The following GALNT13 variants were observed in gnomAD, a reference collection of about 807,000 sequenced individuals.
GALNT13 encodes the protein polypeptide N-acetylgalactosaminyltransferase 13, also known as UDP-GalNAc:polypeptide N-acetylgalactosaminyltransferase 13.
Under a neutral mutation model 64.2 loss-of-function variants are expected in GALNT13, and 28 were observed. The ratio of observed to expected loss-of-function variants is 0.44; its 90% CI spans 0.32 to 0.60. GALNT13 has a LOEUF of 0.60. Ranked by LOEUF, GALNT13 falls within the 20% of genes least tolerant of loss-of-function variation. The pLI is 0.05. For missense variants in GALNT13, 577 were observed against 669.8 expected, an observed-to-expected ratio of 0.86 and a Z score of 1.53; for synonymous variants, 214 against 224.6, an observed-to-expected ratio of 0.95 and a Z score of 0.42.
At chr2:153,625,312 A>G in the GALNT13 span, among the ~76,000 whole-genome samples, 4 of 152,106 alleles carry the variant, frequency 2.6e-5, no homozygotes, top group Non-Finnish European at 5.9e-5. Context: ...ATGTTCAAAT[A>G]CAAACAGCGG....
At chr2:154,028,446 T>C (rs1020713886) in intron 3 of GALNT13, among the ~76,000 whole-genome samples, 1 of 152,086 alleles carries the variant, frequency 6.6e-6, no homozygotes, top group African/African-American at 2.4e-5. Context: ...GTATTCCACT[T>C]GGGGGATTAT....
chr2:154,001,385 A>C (rs1341532981), intron 3 of GALNT13, among the ~76,000 whole-genome samples: 1 of 151,780 alleles, frequency 6.6e-6, no homozygotes, highest in Non-Finnish European at 1.5e-5. Context: ...TTAAATGATT[A>C]TCTTTATTAG....
At chr2:154,427,752 T>C (rs1341765269) in intron 11 of GALNT13, among the ~76,000 whole-genome samples, 2 of 152,144 alleles carry the variant, frequency 1.3e-5, no homozygotes, top group African/African-American at 4.8e-5. Flanking sequence ...AGATGCTACT[T>C]ACTCCTCCTG....
intron 1 of GALNT13, among the ~76,000 whole-genome samples, chr2:153,885,195 G>T (rs1202987441): frequency 2.0e-5 from 3 of 151,900 alleles, no homozygotes; most frequent in Non-Finnish European, 4.4e-5. Context: ...AATTTTTCTA[G>T]GTATAAAGCC....
the GALNT13 span, among the ~76,000 whole-genome samples, chr2:153,359,630 C>CAAAAAAAAAAAAAAAAAAAAAAAAAAAAA: frequency 1.3e-4 from 5 of 38,220 alleles, 1 homozygote; most frequent in Non-Finnish European, 1.7e-4. Flanking sequence ...CAGCTTTCAG[C>CAAAAAAAAAAAAAAAAAAAAAAAAAAAAA]AAAAAAAAAA....
intron 3 of GALNT13, among the ~76,000 whole-genome samples, chr2:154,106,477 T>A (rs924114679): frequency 1.3e-5 from 2 of 152,062 alleles, no homozygotes; most frequent in African/African-American, 4.8e-5. Context: ...TTGTAAAAAA[T>A]CTGTTGAATA....
chr2:153,262,042 G>T, the GALNT13 span, among the ~76,000 whole-genome samples: 1 of 152,120 alleles, frequency 6.6e-6, no homozygotes, highest in Non-Finnish European at 1.5e-5. Flanking sequence ...GAGCTTGCTT[G>T]GTCCTCTACT....
At position 153,952,722 on chromosome 2, in the gene GALNT13, C is replaced by A. The variant is rs139863825; in HGVS notation, c.142+8083C>A. Among the ~76,000 whole-genome samples, 5 of 151,962 alleles carry A rather than the reference C, an allele frequency of 3.3e-5. No homozygotes were observed. In the East Asian group the frequency reaches 9.7e-4, roughly 29 times the overall value. ...GACACAATCACAAGATGAAGTCCCA[C>A]AATAGGCTATCTGCAAGCTGAGGAG... On this transcript the variant is annotated intron_variant, in intron 3 of 12. Transcript: ENST00000392825.
the GALNT13 span, among the ~76,000 whole-genome samples, chr2:153,680,553 C>CAT: frequency 6.6e-6 from 1 of 151,782 alleles, no homozygotes; most frequent in South Asian, 2.1e-4. Flanking sequence ...CTTGCACAAA[C>CAT]ATATATATAT....
At chr2:153,656,693 T>A in the GALNT13 span, among the ~76,000 whole-genome samples, 2 of 152,038 alleles carry the variant, frequency 1.3e-5, no homozygotes, top group Non-Finnish European at 2.9e-5. Flanking sequence ...AGGCTACCCT[T>A]TAGGGAAAAG....
rs145132503 is a variant in GALNT13 at position 154,315,587 on chromosome 2, A to G, written c.1156+13998A>G. Among the ~76,000 whole-genome samples the G allele has an allele frequency of 7.3e-3, 1,109 of 152,342 alleles. 36 individuals are homozygous for G. Among genetic ancestry groups the G allele is most frequent in the Admixed American group, 0.043 (661 of 15,304 alleles). On this transcript the variant is annotated intron_variant, in intron 9 of 12. Coordinates refer to ENST00000392825, the MANE Select transcript of GALNT13 (RefSeq NM_052917.4). ...AAAGGTCTACTTAAGACACATACAC[A>G]CACGTATACATGATTCGTTAACACA... is the stretch of plus-strand genomic sequence containing the variant.
chr2:153,528,335 G>T, the GALNT13 span, among the ~76,000 whole-genome samples: 1 of 151,900 alleles, frequency 6.6e-6, no homozygotes, highest in Non-Finnish European at 1.5e-5. Flanking sequence ...ATACAAAGAA[G>T]GTCACTATAT....
chr2:154,001,044 G>A (rs537226244), intron 3 of GALNT13, among the ~76,000 whole-genome samples: 2 of 151,746 alleles, frequency 1.3e-5, no homozygotes, highest in Non-Finnish European at 2.9e-5. Context: ...TTATATAATG[G>A]CTTAAGTTTG....
chr2:154,339,856 A>C (rs1695661545), intron 9 of GALNT13, among the ~76,000 whole-genome samples: 1 of 152,044 alleles, frequency 6.6e-6, no homozygotes, highest in East Asian at 1.9e-4. Flanking sequence ...TTTTGCAGTG[A>C]GTGGCTGGAA....
At chr2:154,316,896 G>T (rs958761886) in intron 9 of GALNT13, among the ~76,000 whole-genome samples, 1 of 152,182 alleles carries the variant, frequency 6.6e-6, no homozygotes, top group African/African-American at 2.4e-5. Flanking sequence ...AAACAACAGT[G>T]AAAGGAATGG....
At chr2:153,500,836 T>C in the GALNT13 span, among the ~76,000 whole-genome samples, 6 of 152,318 alleles carry the variant, frequency 3.9e-5, no homozygotes, top group South Asian at 1.2e-3. Context: ...TGGTTTATAA[T>C]AACATAATAA....
the GALNT13 span, among the ~76,000 whole-genome samples, chr2:153,295,525 C>T: frequency 1.8e-5 from 1 of 54,054 alleles, no homozygotes; most frequent in Non-Finnish European, 4.1e-5. Context: ...ATCTGGAGTA[C>T]CTAAAAAAAA....
chr2:153,468,150 G>A, the GALNT13 span, among the ~76,000 whole-genome samples: 3 of 151,552 alleles, frequency 2.0e-5, no homozygotes, highest in African/African-American at 7.3e-5. Flanking sequence ...CAGCGTCTAC[G>A]CACTCTTTCT....
chr2:154,167,448 G>A lies in GALNT13; in HGVS notation c.311+26943G>A, dbSNP rs186682091. On this transcript the variant is annotated intron_variant, in intron 4 of 12. Transcript: ENST00000392825. The stretch of plus-strand genomic sequence containing the variant: ...TTGATTAAGCAACTTTCAGATATTC[G>A]AATATTTGAAAGGCTAAAAAAAAGG... Among the ~76,000 whole-genome samples the A allele has an allele frequency of 9.5e-3, 1,441 of 152,138 alleles. 11 individuals carry two copies. The highest frequency in any genetic ancestry group is 0.016 in the Non-Finnish European group (1,061 of 67,990).
Sources: gnomAD v4.1 joint callset for allele counts (sites outside exome capture counted in the v4.1 genomes callset) on GRCh38, gnomAD v4.1.1 for gene constraint, MANE v1.5 for transcripts, NCBI Gene and HGNC (gene_info 2026-07-23, HGNC 2026-07-21) for gene names.